Variants in PDE10A observed in about 807,000 individuals in gnomAD.
PDE10A encodes cAMP and cAMP-inhibited cGMP 3',5'-cyclic phosphodiesterase 10A.
In PDE10A, 39 loss-of-function variants were observed where a neutral mutation model predicts 97.7. The observed-to-expected ratio is 0.40, with a 90% CI of 0.31 to 0.52. The LOEUF (loss-of-function observed/expected upper bound fraction) is 0.52, where lower values mean the gene tolerates loss of function less well. Among genes scored for constraint, PDE10A ranks in the 20% least tolerant of loss-of-function variants. The pLI is 0.56. For missense variants in PDE10A, 731 were observed against 1,047.8 expected, an observed-to-expected ratio of 0.70 and a Z score of 4.17; for synonymous variants, 371 against 376.8, an observed-to-expected ratio of 0.98 and a Z score of 0.18.
intron 1 of PDE10A, among the ~76,000 whole-genome samples, chr6:165,760,975 G>C (rs1453817424): frequency 6.6e-6 from 1 of 152,180 alleles, no homozygotes; most frequent in Non-Finnish European, 1.5e-5. Flanking sequence ...AGTATGAAGA[G>C]GCCTCTAGAA....
chr6:165,782,588 C>A, intron 1 of PDE10A, among the ~76,000 whole-genome samples: 1 of 152,188 alleles, frequency 6.6e-6, no homozygotes, highest in Non-Finnish European at 1.5e-5. Context: ...ATTATCCAAC[C>A]CTCCCCTGAC....
chr6:165,659,682 C>T (rs1225338901), intron 1 of PDE10A, among the ~76,000 whole-genome samples: 1 of 152,210 alleles, frequency 6.6e-6, no homozygotes, highest in East Asian at 1.9e-4. Flanking sequence ...AGGTGTGGGG[C>T]GAGGGGGCCT....
intron 1 of PDE10A, among the ~76,000 whole-genome samples, chr6:165,950,935 C>T (rs1437202467): frequency 6.6e-6 from 1 of 152,184 alleles, no homozygotes; most frequent in Non-Finnish European, 1.5e-5. Flanking sequence ...AACATGTGTC[C>T]TCTTTGAAAA....
At chr6:165,422,946 T>A (rs892593438) in intron 10 of PDE10A, among the ~76,000 whole-genome samples, 16 of 152,190 alleles carry the variant, frequency 1.1e-4, no homozygotes, top group Middle Eastern at 3.4e-3. Flanking sequence ...GTAAAAAAAA[T>A]TAGGAAACAA....
At chr6:165,356,973 G>C (rs1034418454) in intron 18 of PDE10A, among the ~76,000 whole-genome samples, 3 of 152,192 alleles carry the variant, frequency 2.0e-5, no homozygotes, top group African/African-American at 7.2e-5. Context: ...CTAGACAGAG[G>C]GGGTATTACT....
rs542396397 is a variant in PDE10A at position 165,695,691 on chromosome 6, C to G, written c.-614-152123G>C. On this transcript the variant is annotated intron_variant, in intron 1 of 19. Transcript: ENST00000366882. The stretch of plus-strand genomic sequence containing the variant: ...GGAGGAGGTTAAACCTGAGGGCACT[C>G]TCAAGAACAGTGGAGTTGTGGTGAA... Among the ~76,000 whole-genome samples, 23 of 152,188 alleles carry G rather than the reference C, an allele frequency of 1.5e-4. No homozygotes were observed. In the South Asian group the frequency reaches 4.6e-3, roughly 30 times the overall value.
chr6:165,654,916 G>C (rs2087510858), intron 1 of PDE10A, among the ~76,000 whole-genome samples: 1 of 152,174 alleles, frequency 6.6e-6, no homozygotes, highest in Non-Finnish European at 1.5e-5. Context: ...CACCTCTCCA[G>C]GGTGCTCCAT....
intron 1 of PDE10A, among the ~76,000 whole-genome samples, chr6:165,750,229 A>G (rs1248947529): frequency 6.6e-6 from 1 of 152,256 alleles, no homozygotes; most frequent in Non-Finnish European, 1.5e-5. Flanking sequence ...CCCAGAGACC[A>G]GTGAATGGAC....
At chr6:165,591,477 C>CCAT in intron 1 of PDE10A, among the ~76,000 whole-genome samples, 1 of 152,194 alleles carries the variant, frequency 6.6e-6, no homozygotes, top group Non-Finnish European at 1.5e-5. Context: ...GTCCCGGCTG[C>CCAT]CATCTTCCCT....
chr6:165,642,061 T>C (rs1357418676), intron 1 of PDE10A, among the ~76,000 whole-genome samples: 2 of 152,116 alleles, frequency 1.3e-5, no homozygotes, highest in South Asian at 4.1e-4. Flanking sequence ...GGGTGTAACT[T>C]ACTGCTTTGA....
intron 1 of PDE10A, among the ~76,000 whole-genome samples, chr6:165,739,365 G>A (rs1202906366): frequency 6.6e-6 from 1 of 152,172 alleles, no homozygotes; most frequent in Admixed American, 6.5e-5. Flanking sequence ...TTCCACAAAG[G>A]TGCCAAGAAC....
intron 1 of PDE10A, among the ~76,000 whole-genome samples, chr6:165,609,967 C>A (rs1272014932): frequency 6.6e-6 from 1 of 152,166 alleles, no homozygotes; most frequent in Non-Finnish European, 1.5e-5. Flanking sequence ...CCATCCCCAT[C>A]AAGCTACCAA....
At chr6:165,607,898 A>G (rs1452602966) in intron 1 of PDE10A, among the ~76,000 whole-genome samples, 1 of 151,756 alleles carries the variant, frequency 6.6e-6, no homozygotes, top group Non-Finnish European at 1.5e-5. Context: ...ACCCTATCAC[A>G]CCCAAGTCTC....
chr6:165,753,618 T>C (rs1562719567), intron 1 of PDE10A, among the ~76,000 whole-genome samples: 1 of 152,238 alleles, frequency 6.6e-6, no homozygotes, highest in East Asian at 1.9e-4. Flanking sequence ...GGGTTTTTTT[T>C]CCCACCACAG....
At chr6:165,802,047 G>A (rs995243293) in intron 1 of PDE10A, among the ~76,000 whole-genome samples, 1 of 152,182 alleles carries the variant, frequency 6.6e-6, no homozygotes, top group East Asian at 1.9e-4. Context: ...GATTTTCATA[G>A]CCACCCATAA....
intron 1 of PDE10A, among the ~76,000 whole-genome samples, chr6:165,830,070 A>G (rs954256021): frequency 1.7e-4 from 26 of 152,228 alleles, no homozygotes; most frequent in African/African-American, 5.5e-4. Flanking sequence ...ACAAATGAGT[A>G]TCAACATGAA....
At chr6:165,644,356 C>T (rs777512093) in intron 1 of PDE10A, among the ~76,000 whole-genome samples, 4 of 152,206 alleles carry the variant, frequency 2.6e-5, no homozygotes, top group Non-Finnish European at 4.4e-5. Flanking sequence ...CCACCATGCC[C>T]GGCCAGAAAA....
intron 1 of PDE10A, among the ~76,000 whole-genome samples, chr6:165,782,324 G>A (rs80022405): frequency 0.043 from 6,587 of 152,292 alleles, 465 homozygotes; most frequent in African/African-American, 0.15. Flanking sequence ...AGGCATTGCT[G>A]TAGACGAGTC....
chr6:165,958,554 A>G (rs12212269), intron 1 of PDE10A, among the ~76,000 whole-genome samples: 7 of 56,938 alleles, frequency 1.2e-4, no homozygotes, highest in African/African-American at 2.1e-4. Flanking sequence ...AGAAAGAAAG[A>G]AAGAAAGAAA....
Sources: gnomAD v4.1 joint callset for allele counts (sites outside exome capture counted in the v4.1 genomes callset) on GRCh38, gnomAD v4.1.1 for gene constraint, MANE v1.5 for transcripts, NCBI Gene and HGNC (gene_info 2026-07-23, HGNC 2026-07-21) for gene names.